Variants in POFUT3 observed in about 807,000 individuals in gnomAD.
POFUT3 encodes GDP-fucose protein O-fucosyltransferase 3.
At chr8:33,388,888 G>A in the POFUT3 span, 91 of 1,187,746 alleles carry the variant, frequency 7.7e-5, no homozygotes, top group East Asian at 2.1e-3. Flanking sequence ...GGCAACAACA[G>A]AAGGAAATGC....
the POFUT3 span, chr8:33,436,455 C>T: frequency 1.4e-6 from 2 of 1,435,152 alleles, no homozygotes; most frequent in Non-Finnish European, 2.0e-6. Context: ...TGATGTTGCC[C>T]ACATGCAACT....
chr8:33,404,699 C>A, the POFUT3 span, among the ~76,000 whole-genome samples: 1 of 151,520 alleles, frequency 6.6e-6, no homozygotes, highest in African/African-American at 2.4e-5. Context: ...GGAAAGTCTG[C>A]ATACTGGTGT....
At chr8:33,309,132 GGA>G in the POFUT3 span, among the ~76,000 whole-genome samples, 1 of 74,102 alleles carries the variant, frequency 1.3e-5, no homozygotes, top group Non-Finnish European at 2.3e-5. Flanking sequence ...CATAGTCTGG[GGA>G]GTGTAAAAAA....
the POFUT3 span, among the ~76,000 whole-genome samples, chr8:33,465,041 A>T: frequency 6.6e-6 from 1 of 152,140 alleles, no homozygotes; most frequent in African/African-American, 2.4e-5. Flanking sequence ...ACTTAATATA[A>T]ATTTAGACAA....
chr8:33,392,102 C>T, the POFUT3 span, among the ~76,000 whole-genome samples: 3 of 152,104 alleles, frequency 2.0e-5, no homozygotes, highest in Non-Finnish European at 4.4e-5. Context: ...AGGGACCTAG[C>T]CTTCCAGAAA....
At chr8:33,409,672 A>C in the POFUT3 span, among the ~76,000 whole-genome samples, 27 of 152,254 alleles carry the variant, frequency 1.8e-4, no homozygotes, top group Non-Finnish European at 2.1e-4. Context: ...TTGGGAAGCC[A>C]AGGTAGGTAG....
At chr8:33,446,468 A>G in the POFUT3 span, among the ~76,000 whole-genome samples, 4 of 151,336 alleles carry the variant, frequency 2.6e-5, no homozygotes, top group African/African-American at 7.3e-5. Context: ...AAAAAAAAAA[A>G]AAAATACTTG....
chr8:33,351,211 T>C, the POFUT3 span, among the ~76,000 whole-genome samples: 208 of 152,204 alleles, frequency 1.4e-3, no homozygotes, highest in African/African-American at 4.8e-3. Context: ...CACCTCATCC[T>C]CCCAAAAGTG....
chr8:33,386,214 A>AAAAAAAAAAAAT, the POFUT3 span, among the ~76,000 whole-genome samples: 3 of 149,784 alleles, frequency 2.0e-5, no homozygotes, highest in South Asian at 2.1e-4. Context: ...AAAAAAAAAA[A>AAAAAAAAAAAAT]GTGGTCTAAT....
chr8:33,330,375 C>A, the POFUT3 span, among the ~76,000 whole-genome samples: 1 of 152,024 alleles, frequency 6.6e-6, no homozygotes, highest in African/African-American at 2.4e-5. Context: ...ACTCAGGAGG[C>A]GGAGTTTGCA....
chr8:33,391,273 TTA>T, the POFUT3 span, among the ~76,000 whole-genome samples: 1 of 152,206 alleles, frequency 6.6e-6, no homozygotes, highest in Non-Finnish European at 1.5e-5. Context: ...TCAGATAAGG[TTA>T]TGTCACAGGA....
chr8:33,358,012 C>G, the POFUT3 span, among the ~76,000 whole-genome samples: 1 of 152,170 alleles, frequency 6.6e-6, no homozygotes, highest in Non-Finnish European at 1.5e-5. Flanking sequence ...ATTGGGAGGC[C>G]AAGGCGGGCA....
At chr8:33,394,884 C>T in the POFUT3 span, among the ~76,000 whole-genome samples, 34 of 152,300 alleles carry the variant, frequency 2.2e-4, 1 homozygote, top group Admixed American at 2.0e-3. Context: ...TTACAGTACT[C>T]TCAGCCAAAC....
At chr8:33,431,773 AAC>A in the POFUT3 span, among the ~76,000 whole-genome samples, 1 of 152,028 alleles carries the variant, frequency 6.6e-6, no homozygotes, top group Non-Finnish European at 1.5e-5. Context: ...AATCAAGGCT[AAC>A]ACCAAATAAA....
the POFUT3 span, among the ~76,000 whole-genome samples, chr8:33,425,335 T>A: frequency 3.3e-5 from 5 of 151,952 alleles, no homozygotes; most frequent in African/African-American, 9.7e-5. Flanking sequence ...CCCTTTCTCT[T>A]AAAAAAATAA....
At chr8:33,325,658 C>T in the POFUT3 span, among the ~76,000 whole-genome samples, 1 of 152,052 alleles carries the variant, frequency 6.6e-6, no homozygotes, top group South Asian at 2.1e-4. Context: ...CTGTTAGATA[C>T]AAGAATATCT....
At chr8:33,467,711 A>G in the POFUT3 span, among the ~76,000 whole-genome samples, 1 of 152,220 alleles carries the variant, frequency 6.6e-6, no homozygotes, top group Non-Finnish European at 1.5e-5. Context: ...CAACACTTTC[A>G]TCCTAAAATA....
chr8:33,309,183 T>TGGGG, the POFUT3 span, among the ~76,000 whole-genome samples: 32 of 108,170 alleles, frequency 3.0e-4, no homozygotes, highest in African/African-American at 1.3e-3. Context: ...TATATATATA[T>TGGGG]ATATATATAT....
chr8:33,427,003 T>G, the POFUT3 span, among the ~76,000 whole-genome samples: 1 of 152,176 alleles, frequency 6.6e-6, no homozygotes, highest in South Asian at 2.1e-4. Flanking sequence ...GGGTACCAAC[T>G]GCAGAGAAGC....
Sources: gnomAD v4.1 joint callset for allele counts (sites outside exome capture counted in the v4.1 genomes callset) on GRCh38, gnomAD v4.1.1 for gene constraint, MANE v1.5 for transcripts, NCBI Gene and HGNC (gene_info 2026-07-23, HGNC 2026-07-21) for gene names.